The following POMGNT1 variants were observed in gnomAD, a reference collection of about 807,000 sequenced individuals.
The protein encoded by POMGNT1 is protein O-linked-mannose beta-1,2-N-acetylglucosaminyltransferase 1.
Under a neutral mutation model 95.6 loss-of-function variants are expected in POMGNT1, and 67 were observed. The observed-to-expected ratio is 0.70, with a 90% confidence interval of 0.58 to 0.86. The LOEUF (loss-of-function observed/expected upper bound fraction) is 0.86, where lower values mean the gene tolerates loss of function less well. POMGNT1 is among the 40% of genes least tolerant of loss of function. The pLI is 0.00. For synonymous variants in POMGNT1, 298 were observed against 317.9 expected (o/e 0.94, Z 0.66); for missense variants, 719 against 855.2 (o/e 0.84, Z 1.99).
intron 17 of POMGNT1, chr1:46,191,721 G>A (rs1273115609): frequency 9.0e-6 from 3 of 334,696 alleles, no homozygotes; most frequent in African/African-American, 6.5e-5. Flanking sequence ...AGCAAGCTTC[G>A]CCTCCTGGGT....
At chr1:46,219,777 C>A in exon 1 of POMGNT1, 1 of 1,614,050 alleles carries the variant, frequency 6.2e-7, no homozygotes, top group Admixed American at 1.7e-5. Context: ...AGTGCGCTGG[C>A]TGTTGGAGGA....
At chr1:46,209,178 C>A (rs1658814660) in intron 1 of POMGNT1, among the ~76,000 whole-genome samples, 2 of 152,160 alleles carry the variant, frequency 1.3e-5, no homozygotes, top group Non-Finnish European at 2.9e-5. Flanking sequence ...GCATGTGACA[C>A]CATGCCCAGC....
At chr1:46,212,462 T>G (rs1658930174) in intron 1 of POMGNT1, among the ~76,000 whole-genome samples, 1 of 152,052 alleles carries the variant, frequency 6.6e-6, no homozygotes, top group Non-Finnish European at 1.5e-5. Flanking sequence ...TTTGTATTTT[T>G]AACAGAGACG....
In POMGNT1 at chr1:46,196,579, C is replaced by T; in HGVS notation, c.354+152G>A. 6.8e-7 allele frequency: 1 copy of T among 1,466,308 alleles called. No homozygotes were observed. The highest frequency in any genetic ancestry group is 1.2e-5 in the South Asian group (1 of 82,394). 90.8% of individuals were successfully genotyped at this position (1,466,308 alleles called of 1,614,324 possible). On this transcript the variant is annotated intron_variant, in intron 4 of 21. Coordinates refer to ENST00000371984, the MANE Select transcript of POMGNT1 (RefSeq NM_017739.4). The surrounding 1 kb of genome is among the most constrained non-coding windows in gnomAD (Gnocchi z 4.4). ...ATCCTGACAAGTAGAAATCATTAGT[C>T]CCAGTCTATAGATAAGGAATCGAGG...
chr1:46,193,225 G>C lies in POMGNT1; in HGVS notation c.1111-10C>G. Reference sequence around the variant, plus strand: ...GGCTGGCCTTGTAGTGCTGGGAGTGGGGTGGGAATAGGGCACATGAGCTTT... The same window carrying C: ...GGCTGGCCTTGTAGTGCTGGGAGTGCGGTGGGAATAGGGCACATGAGCTTT... On this transcript the variant is annotated splice_polypyrimidine_tract_variant and intron_variant, in intron 12 of 21. Coordinates refer to ENST00000371984, the MANE Select transcript of POMGNT1 (RefSeq NM_017739.4). The C allele has an allele frequency of 6.2e-7, 1 of 1,614,160 alleles. No homozygotes were observed. The highest frequency in any genetic ancestry group is 8.5e-7 in the Non-Finnish European group (1 of 1,180,040).
At position 46,189,338 on chromosome 1, in the gene POMGNT1, CTG is replaced by C. The variant is rs1472496234; in HGVS notation, c.1913_1914del (p.Ser638CysfsTer48). ...ASPYSVKKPP[S>X]VTPIFLEPPP... is the part of the protein sequence containing the mutation. ...GGTGGCTCCAGGAAAATTGGGGTGA[CTG>C]AGGGTGGCTTCTTCACTCTGGGAAA... On this transcript the variant is annotated frameshift_variant, in exon 22 of 22. Coordinates refer to ENST00000371984, the MANE Select transcript of POMGNT1 (RefSeq NM_017739.4). LOFTEE classifies it high-confidence loss of function. 1 of 1,613,878 alleles carries C rather than the reference CTG, an allele frequency of 6.2e-7. No individual in the cohort carries two copies. The highest frequency in any genetic ancestry group is 8.5e-7 in the Non-Finnish European group (1 of 1,180,012).
rs748559972 is a variant in POMGNT1 at position 46,194,362 on chromosome 1, C to T, written c.791G>A (p.Arg264His). ...AACTTTGCTGCAGAAGCGCCGGCGG[C>T]GACGGTTCAGCTCTGTGTCTGCCCA... ...CHWADTELNR[R>H]RRRFCSKVEG... is the part of the protein sequence containing the mutation. Residue 264 changes from arginine to histidine, a missense_variant, in exon 9 of 22, where the codon CGC becomes CAC. Physicochemically the swap from Arg to His is conservative, Grantham distance 29. This residue lies in a region of POMGNT1 where 466 missense variants were observed against 517.4 expected (regional missense o/e 0.90). Coordinates refer to ENST00000371984, the MANE Select transcript of POMGNT1 (RefSeq NM_017739.4). The T allele has an allele frequency of 1.2e-5, 19 of 1,614,076 alleles. No homozygotes were observed. The highest frequency in any genetic ancestry group is 1.6e-4 in the Middle Eastern group (1 of 6,082).
chr1:46,195,010 AC>A (rs1329889651), intron 6 of POMGNT1, 49 bp from the exon 7 acceptor site: 1 of 1,562,166 alleles, frequency 6.4e-7, no homozygotes, highest in East Asian at 2.2e-5. Context: ...GTTCCAGGAG[AC>A]CTGGCCTCAC....
chr1:46,203,407 C>G (rs754918527), upstream of POMGNT1: 5 of 1,440,088 alleles, frequency 3.5e-6, 1 homozygote, highest in South Asian at 4.5e-5. Flanking sequence ...TCGCCCAGCC[C>G]TTTTCAGGCT....
chr1:46,211,918 C>T (rs1285853254), intron 1 of POMGNT1, among the ~76,000 whole-genome samples: 7 of 152,100 alleles, frequency 4.6e-5, no homozygotes, highest in East Asian at 1.9e-4. Context: ...TGCGCCACAA[C>T]GCCTGGCCAA....
At chr1:46,209,575 C>A (rs528189067) in intron 1 of POMGNT1, among the ~76,000 whole-genome samples, 2 of 132,650 alleles carry the variant, frequency 1.5e-5, no homozygotes, top group Admixed American at 8.5e-5. Flanking sequence ...GATGGAGTCT[C>A]GCTCTGTTGC....
At chr1:46,190,541 C>T (rs1328320678) in intron 18 of POMGNT1, 24 bp from the exon 19 acceptor site, 1 of 1,591,580 alleles carries the variant, frequency 6.3e-7, no homozygotes, top group Non-Finnish European at 8.6e-7. Context: ...AGAAATGGGT[C>T]AGGGGAGTGG....
At chr1:46,206,464 A>T (rs2148237651) in intron 1 of POMGNT1, among the ~76,000 whole-genome samples, 1 of 152,206 alleles carries the variant, frequency 6.6e-6, no homozygotes. Context: ...TGGTATGTAG[A>T]TGTTAAGGAG....
chr1:46,203,729 C>G, intron 1 of POMGNT1: 1 of 1,078,142 alleles, frequency 9.3e-7, no homozygotes, highest in Non-Finnish European at 1.3e-6. Context: ...AGTTAAAACT[C>G]TCCACCTAAC....
chr1:46,218,313 G>T (rs770069145), intron 1 of POMGNT1, among the ~76,000 whole-genome samples: 13 of 152,226 alleles, frequency 8.5e-5, no homozygotes, highest in Non-Finnish European at 1.8e-4. Context: ...TTGAGACCAG[G>T]AGATGGAGGC....
At chr1:46,203,295 C>T, upstream of POMGNT1, 1 of 583,516 alleles carries the variant, frequency 1.7e-6, no homozygotes, top group South Asian at 3.3e-5. Context: ...GTTACGGCGC[C>T]CTCCTCCCGC....
At position 46,197,762 on chromosome 1, in the gene POMGNT1, G is replaced by C; in HGVS notation, c.60C>G (p.Ser20Arg). The C allele has an allele frequency of 6.2e-7, 1 of 1,614,160 alleles. No individual in the cohort carries two copies. The highest frequency in any genetic ancestry group is 8.5e-7 in the Non-Finnish European group (1 of 1,180,012). The change falls in exon 2 of 22, where the codon AGC becomes AGG. Residue 20 changes from serine to arginine, a missense_variant. Ser to Arg is a moderately radical substitution (Grantham distance 110). Coordinates refer to ENST00000371984, the MANE Select transcript of POMGNT1 (RefSeq NM_017739.4). ...IKPFGARKKRSWYLTWKYKLT... is the reference protein window; with the variant it reads ...IKPFGARKKRRWYLTWKYKLT... ...GTTTATACTTCCAGGTAAGGTACCA[G>C]CTCCGCTTCTTCCGAGCCCCAAAGG...
intron 1 of POMGNT1, among the ~76,000 whole-genome samples, chr1:46,217,724 G>C (rs1659110516): frequency 6.6e-6 from 1 of 152,164 alleles, no homozygotes; most frequent in Admixed American, 6.5e-5. Flanking sequence ...AGGCGTGGTA[G>C]GTGATACTTG....
At chr1:46,215,854 G>A (rs959647951) in intron 1 of POMGNT1, among the ~76,000 whole-genome samples, 2 of 151,936 alleles carry the variant, frequency 1.3e-5, no homozygotes, top group African/African-American at 4.8e-5. Flanking sequence ...CCATGATTGT[G>A]CCACCACTGC....
Sources: gnomAD v4.1 joint callset for allele counts (sites outside exome capture counted in the v4.1 genomes callset) on GRCh38, gnomAD v4.1.1 for gene constraint, gnomAD v4.1.1 regional missense constraint, Gnocchi (gnomAD v3.1) non-coding constraint, MANE v1.5 for transcripts, NCBI Gene and HGNC (gene_info 2026-07-23, HGNC 2026-07-21) for gene names.